The following LRBA variants were observed in gnomAD, a reference collection of about 807,000 sequenced individuals.
LRBA encodes the protein LPS responsive beige-like anchor protein.
LRBA carries 176 observed loss-of-function variants against 330.0 expected under a neutral mutation model. That is an observed-to-expected ratio of 0.53 (90% CI 0.47 to 0.60). The LOEUF (loss-of-function observed/expected upper bound fraction) is 0.60, where lower values mean the gene tolerates loss of function less well. Among genes scored for constraint, LRBA ranks in the 20% least tolerant of loss-of-function variants. The pLI is 0.00. For synonymous variants in LRBA, 1,230 were observed against 1,193.0 expected (o/e 1.03, Z -0.64); for missense variants, 3,259 against 3,444.8 (o/e 0.95, Z 1.35).
chr4:150,499,930 G>A (rs531740419), intron 40 of LRBA, among the ~76,000 whole-genome samples: 1 of 152,170 alleles, frequency 6.6e-6, no homozygotes, highest in South Asian at 2.1e-4. Context: ...GATACTAGAG[G>A]TTGGAAAGTG....
At chr4:150,414,329 T>G (rs909248124) in intron 47 of LRBA, among the ~76,000 whole-genome samples, 21 of 152,184 alleles carry the variant, frequency 1.4e-4, no homozygotes, top group African/African-American at 4.8e-4. Flanking sequence ...TGTAATAGGA[T>G]CTGGAAGATA....
intron 34 of LRBA, among the ~76,000 whole-genome samples, chr4:150,780,630 CGT>C (rs1491474019): frequency 1.7e-4 from 8 of 46,568 alleles, no homozygotes; most frequent in African/African-American, 5.0e-4. Flanking sequence ...TATATATACA[CGT>C]ATATATATAT....
At chr4:150,802,035 A>C (rs1258011170) in intron 33 of LRBA, among the ~76,000 whole-genome samples, 1 of 113,920 alleles carries the variant, frequency 8.8e-6, no homozygotes, top group Non-Finnish European at 1.9e-5. Flanking sequence ...ATAAATAAAT[A>C]AATAAATAAA....
chr4:150,919,925 G>A (rs1297283737), intron 5 of LRBA, among the ~76,000 whole-genome samples: 2 of 149,062 alleles, frequency 1.3e-5, no homozygotes, highest in African/African-American at 4.9e-5. Context: ...CATGAAAAAG[G>A]TTAATCTCAT....
intron 52 of LRBA, among the ~76,000 whole-genome samples, chr4:150,309,877 T>A (rs921049447): frequency 6.6e-6 from 1 of 152,078 alleles, no homozygotes; most frequent in Non-Finnish European, 1.5e-5. Context: ...AATACAAAAG[T>A]GAGAAAATAC....
intron 40 of LRBA, among the ~76,000 whole-genome samples, chr4:150,570,973 T>A (rs1769767697): frequency 6.6e-6 from 1 of 152,156 alleles, no homozygotes; most frequent in Non-Finnish European, 1.5e-5. Context: ...TGATGCCTAT[T>A]ACTGAGGCCT....
rs776759706 is a variant in LRBA at position 150,664,758 on chromosome 4, T to G, written c.5921+18793A>C. Among the ~76,000 whole-genome samples, 10 of 152,322 alleles carry G rather than the reference T, an allele frequency of 6.6e-5. No individual in the cohort carries two copies. The South Asian group carries it at 1.5e-3, about 22-fold the overall frequency. On this transcript the variant is annotated intron_variant, in intron 37 of 56. Transcript: ENST00000651943. ...AGGCCAAAACCGATGATCATTCTTC[T>G]ATGCCAAACTTACCTCATGAGATAA...
At chr4:151,004,884 G>A (rs1264435875) in intron 2 of LRBA, among the ~76,000 whole-genome samples, 1 of 152,114 alleles carries the variant, frequency 6.6e-6, no homozygotes, top group Non-Finnish European at 1.5e-5. Flanking sequence ...CTACTCGGGA[G>A]GCTGAAACAG....
At chr4:150,824,099 T>G (rs1425191792) in intron 30 of LRBA, among the ~76,000 whole-genome samples, 1 of 152,136 alleles carries the variant, frequency 6.6e-6, no homozygotes, top group Non-Finnish European at 1.5e-5. Flanking sequence ...TCCTTTTTAG[T>G]TTTTGCATCA....
At chr4:150,314,153 C>A (rs1731427165) in intron 51 of LRBA, among the ~76,000 whole-genome samples, 3 of 152,004 alleles carry the variant, frequency 2.0e-5, no homozygotes, top group Admixed American at 1.3e-4. Flanking sequence ...GACTTGATAG[C>A]ATAGGATATT....
At chr4:150,554,321 G>C (rs1767008923) in intron 40 of LRBA, among the ~76,000 whole-genome samples, 1 of 152,096 alleles carries the variant, frequency 6.6e-6, no homozygotes, top group African/African-American at 2.4e-5. Flanking sequence ...ATTTCAAAGA[G>C]CCAATTTACT....
intron 44 of LRBA, among the ~76,000 whole-genome samples, chr4:150,438,004 G>A (rs1751347010): frequency 6.6e-6 from 1 of 152,194 alleles, no homozygotes; most frequent in Admixed American, 6.5e-5. Context: ...TCCTTACAAA[G>A]ACGTAGAGAA....
At chr4:150,293,489 CAT>C (rs984616651) in intron 53 of LRBA, among the ~76,000 whole-genome samples, 20 of 152,170 alleles carry the variant, frequency 1.3e-4, no homozygotes, top group Admixed American at 1.0e-3. Flanking sequence ...TTTGATTAGA[CAT>C]ATAGACTATA....
intron 44 of LRBA, among the ~76,000 whole-genome samples, chr4:150,467,279 T>C (rs1436549006): frequency 1.3e-5 from 2 of 152,084 alleles, no homozygotes; most frequent in African/African-American, 4.8e-5. Flanking sequence ...GTTATGTAAA[T>C]TAACAGAAAA....
chr4:150,812,238 A>G (rs753617178), intron 31 of LRBA, among the ~76,000 whole-genome samples: 1 of 152,240 alleles, frequency 6.6e-6, no homozygotes, highest in Non-Finnish European at 1.5e-5. Flanking sequence ...TCACAAATAC[A>G]TAAATGCAGA....
intron 11 of LRBA, among the ~76,000 whole-genome samples, chr4:150,907,143 AAGAG>A (rs1553995974): frequency 1.4e-5 from 2 of 145,678 alleles, no homozygotes; most frequent in African/African-American, 5.1e-5. Context: ...AACAAAAAAA[AAGAG>A]AGAGAGAGAG....
intron 22 of LRBA, among the ~76,000 whole-genome samples, chr4:150,857,191 G>T (rs1030573583): frequency 5.3e-5 from 8 of 152,046 alleles, no homozygotes; most frequent in African/African-American, 1.9e-4. Context: ...TTTAAAAACA[G>T]GTGGATCTTC....
At chr4:150,780,633 A>ATATATACACG (rs1553960421) in intron 34 of LRBA, among the ~76,000 whole-genome samples, 6 of 118,790 alleles carry the variant, frequency 5.1e-5, no homozygotes, top group South Asian at 2.6e-4. Flanking sequence ...ATATACACGT[A>ATATATACACG]TATATATATA....
At chr4:150,917,683 T>C (rs889833022) in intron 5 of LRBA, among the ~76,000 whole-genome samples, 3 of 152,062 alleles carry the variant, frequency 2.0e-5, no homozygotes, top group East Asian at 1.9e-4. Flanking sequence ...TCCCAGCACT[T>C]TGGGAGGCCA....
Sources: allele counts gnomAD v4.1 joint callset (sites outside exome capture counted in the v4.1 genomes callset), GRCh38; gene constraint gnomAD v4.1.1; transcripts MANE v1.5; gene names NCBI Gene and HGNC (gene_info 2026-07-23, HGNC 2026-07-21).